Variants in MAP3K5 observed in about 807,000 individuals in gnomAD.
MAP3K5 encodes the protein ASK-1.
Under a neutral mutation model 158.7 loss-of-function variants are expected in MAP3K5, and 56 were observed. That is an observed-to-expected ratio of 0.35 (90% CI 0.28 to 0.44). MAP3K5 has a LOEUF of 0.44. MAP3K5 is among the 20% of genes least tolerant of loss of function. The probability of loss-of-function intolerance (pLI) is 1.00; values close to 1 mark genes in which losing one functional copy is unlikely to be tolerated. For missense variants in MAP3K5, 1,294 were observed against 1,674.8 expected, an observed-to-expected ratio of 0.77 and a Z score of 3.97; for synonymous variants, 579 against 601.7, an observed-to-expected ratio of 0.96 and a Z score of 0.55.
At chr6:136,580,579 C>T (rs1299903581) in intron 24 of MAP3K5, among the ~76,000 whole-genome samples, 173 bp from the exon 25 acceptor site, 1 of 152,132 alleles carries the variant, frequency 6.6e-6, no homozygotes, top group Admixed American at 6.5e-5. Flanking sequence ...TACTTCAAAT[C>T]AAAGTTTAGT....
At chr6:136,703,511 G>A (rs1780941334) in intron 3 of MAP3K5, among the ~76,000 whole-genome samples, 2 of 152,174 alleles carry the variant, frequency 1.3e-5, no homozygotes, top group Admixed American at 6.5e-5. Context: ...CCTCCCCTGT[G>A]AGAACCCTGA....
chr6:136,711,964 T>C (rs1049741173), intron 2 of MAP3K5, among the ~76,000 whole-genome samples: 1 of 152,152 alleles, frequency 6.6e-6, no homozygotes, highest in East Asian at 1.9e-4. Flanking sequence ...ACCTATCAAT[T>C]AAAACAACCT....
At chr6:136,580,150 T>C (rs1027726015) in intron 25 of MAP3K5, 151 bp downstream of exon 25, 2 of 589,712 alleles carry the variant, frequency 3.4e-6, no homozygotes, top group African/African-American at 1.9e-5. Context: ...TTATCCAGAC[T>C]ATATGTACTA....
intron 10 of MAP3K5, among the ~76,000 whole-genome samples, chr6:136,651,618 G>T (rs1778522076): frequency 6.6e-6 from 1 of 152,098 alleles, no homozygotes; most frequent in Non-Finnish European, 1.5e-5. Context: ...ACAAACCAAA[G>T]AAACAAACTT....
At chr6:136,660,505 A>G (rs111897976) in intron 8 of MAP3K5, among the ~76,000 whole-genome samples, 4 of 152,174 alleles carry the variant, frequency 2.6e-5, no homozygotes, top group African/African-American at 9.7e-5. Flanking sequence ...GGTAATGTAG[A>G]TACTCCAACT....
chr6:136,602,051 T>A, intron 19 of MAP3K5, 72 bp from the exon 20 acceptor site: 2 of 1,233,276 alleles, frequency 1.6e-6, no homozygotes, highest in Non-Finnish European at 2.3e-6. Flanking sequence ...CCAGCTTCCA[T>A]AACTTGACCC....
intron 1 of MAP3K5, among the ~76,000 whole-genome samples, chr6:136,725,075 G>GC (rs1781910136): frequency 6.6e-6 from 1 of 152,196 alleles, no homozygotes; most frequent in African/African-American, 2.4e-5. Context: ...TTAGCAAAAT[G>GC]CATGTGAGAT....
At chr6:136,769,806 AGGGAGGGGAC>A (rs1562691222) in intron 1 of MAP3K5, among the ~76,000 whole-genome samples, 4 of 42,872 alleles carry the variant, frequency 9.3e-5, no homozygotes, top group Non-Finnish European at 1.3e-4. Context: ...GGAGGGAGGG[AGGGAGGGGAC>A]GGGAGGGAGG....
intron 7 of MAP3K5, among the ~76,000 whole-genome samples, chr6:136,688,354 C>CAT (rs536536764): frequency 8.0e-4 from 121 of 151,832 alleles, no homozygotes; most frequent in Admixed American, 3.3e-3. Context: ...ACCACCATGG[C>CAT]ATATATATAT....
At chr6:136,792,735 C>T (rs1307086753), upstream of MAP3K5, among the ~76,000 whole-genome samples, 1 of 152,214 alleles carries the variant, frequency 6.6e-6, no homozygotes, top group African/African-American at 2.4e-5. The surrounding 1 kb of genome is among the most constrained non-coding windows in gnomAD (Gnocchi z 5.7). Context: ...GGCAGCTCGC[C>T]TTCATCGGGT....
At chr6:136,582,263 C>CACGTGT (rs1774920878) in intron 24 of MAP3K5, among the ~76,000 whole-genome samples, 1 of 138,026 alleles carries the variant, frequency 7.2e-6, no homozygotes, top group African/African-American at 2.7e-5. Context: ...TGTGTGTATA[C>CACGTGT]GTGTGTGTGT....
intron 3 of MAP3K5, 35 bp from the exon 4 acceptor site, chr6:136,698,717 T>G: frequency 6.6e-7 from 1 of 1,526,658 alleles, no homozygotes; most frequent in Non-Finnish European, 9.0e-7. Context: ...AGTGGGGAGC[T>G]GGCCTGGAGA....
chr6:136,626,426 C>T (rs1276768306), intron 14 of MAP3K5, among the ~76,000 whole-genome samples: 1 of 152,148 alleles, frequency 6.6e-6, no homozygotes, highest in Admixed American at 6.6e-5. Context: ...TGTCTTGGTC[C>T]AGGGTAGATG....
intron 8 of MAP3K5, among the ~76,000 whole-genome samples, chr6:136,663,356 T>C (rs761797049): frequency 2.0e-5 from 3 of 152,228 alleles, no homozygotes; most frequent in Non-Finnish European, 4.4e-5. Flanking sequence ...TGCTGAACCA[T>C]TTCAAATTAA....
intron 20 of MAP3K5, 42 bp downstream of exon 20, chr6:136,601,760 T>C: frequency 1.9e-6 from 3 of 1,580,132 alleles, no homozygotes; most frequent in Non-Finnish European, 2.6e-6. Flanking sequence ...AAGCTTAGGA[T>C]TGAAGGACTC....
chr6:136,610,653 G>A (rs1776294343), intron 18 of MAP3K5, among the ~76,000 whole-genome samples: 1 of 138,958 alleles, frequency 7.2e-6, no homozygotes. Flanking sequence ...CAGGAAAGAA[G>A]TAATTACATG....
intron 2 of MAP3K5, among the ~76,000 whole-genome samples, chr6:136,710,284 T>C (rs1039362686): frequency 2.0e-5 from 3 of 152,184 alleles, no homozygotes; most frequent in Non-Finnish European, 4.4e-5. Context: ...CAAGTACCTA[T>C]GAATAAGAAG....
chr6:136,644,642 C>T (rs75931439), intron 11 of MAP3K5, among the ~76,000 whole-genome samples: 104 of 152,318 alleles, frequency 6.8e-4, no homozygotes, highest in Non-Finnish European at 1.3e-3. Context: ...CCATCCTTCT[C>T]CTCTGCTGAC....
At chr6:136,588,620 G>T (rs916023540) in intron 23 of MAP3K5, among the ~76,000 whole-genome samples, 2 of 152,162 alleles carry the variant, frequency 1.3e-5, no homozygotes, top group Admixed American at 6.5e-5. Context: ...TTCGACTGAT[G>T]CTCAATAAGT....
Sources: gnomAD v4.1 joint callset for allele counts (sites outside exome capture counted in the v4.1 genomes callset) on GRCh38, gnomAD v4.1.1 for gene constraint, Gnocchi (gnomAD v3.1) non-coding constraint, MANE v1.5 for transcripts, NCBI Gene and HGNC (gene_info 2026-07-23, HGNC 2026-07-21) for gene names.